Variants in CELF2 observed in about 807,000 individuals in gnomAD.
The protein encoded by CELF2 is CUG triplet repeat RNA-binding protein 2.
In CELF2, 8 loss-of-function variants were observed where a neutral mutation model predicts 62.6. That is an observed-to-expected ratio of 0.13 (90% CI 0.07 to 0.23). CELF2 has a LOEUF of 0.23. Among genes scored for constraint, CELF2 ranks in the 10% least tolerant of loss-of-function variants. The probability of loss-of-function intolerance (pLI) is 1.00; values close to 1 mark genes in which losing one functional copy is unlikely to be tolerated. For missense variants in CELF2, 333 were observed against 671.0 expected, an observed-to-expected ratio of 0.50 and a Z score of 5.56; for synonymous variants, 258 against 250.0, an observed-to-expected ratio of 1.03 and a Z score of -0.30.
upstream of CELF2, among the ~76,000 whole-genome samples, chr10:11,013,676 A>G (rs926707270): frequency 4.6e-5 from 7 of 152,184 alleles, no homozygotes; most frequent in African/African-American, 1.7e-4. The surrounding 1 kb of genome is among the most constrained non-coding windows in gnomAD (Gnocchi z 4.1). Flanking sequence ...CTTAATAACG[A>G]TTTCATCTTT....
At chr10:10,824,322 C>A (rs2057213328) in intron 1 of CELF2, among the ~76,000 whole-genome samples, 1 of 152,050 alleles carries the variant, frequency 6.6e-6, no homozygotes, top group African/African-American at 2.4e-5. Flanking sequence ...TTTATTTGGC[C>A]AACAAAAACA....
the CELF2 span, among the ~76,000 whole-genome samples, chr10:10,549,054 G>A: frequency 6.6e-6 from 1 of 152,082 alleles, no homozygotes; most frequent in South Asian, 2.1e-4. Context: ...TTTTCTTGCC[G>A]ACTCTGTGAT....
At chr10:11,147,691 A>G (rs1209835358) in intron 1 of CELF2, among the ~76,000 whole-genome samples, 1 of 152,236 alleles carries the variant, frequency 6.6e-6, no homozygotes, top group Non-Finnish European at 1.5e-5. Flanking sequence ...TCTTGTATTT[A>G]ATGCAGAATT....
the CELF2 span, among the ~76,000 whole-genome samples, chr10:10,547,397 T>G: frequency 0.034 from 5,206 of 152,274 alleles, 259 homozygotes; most frequent in African/African-American, 0.11. Context: ...CCACTGACTT[T>G]GCCTGTGACA....
rs1193018141 is a variant in CELF2 at position 11,159,871 on chromosome 10, G to C, written c.75-5615G>C. Among the ~76,000 whole-genome samples, 1 of 152,136 alleles carries C rather than the reference G, an allele frequency of 6.6e-6. No individual in the cohort carries two copies. Among genetic ancestry groups the C allele is most frequent in the Non-Finnish European group, 1.5e-5 (1 of 68,018 alleles). ...GATTCCTGAGCCCTTTGAAAGAGTG[G>C]CTTGTTAGCTACAGAAATGATGGGA... On this transcript the variant is annotated intron_variant, in intron 1 of 12. Transcript: ENST00000633077. The surrounding 1 kb of genome is among the most constrained non-coding windows in gnomAD (Gnocchi z 5.0).
the CELF2 span, among the ~76,000 whole-genome samples, chr10:10,531,763 A>G: frequency 6.6e-6 from 1 of 152,172 alleles, no homozygotes; most frequent in Non-Finnish European, 1.5e-5. Flanking sequence ...CATCTCTACT[A>G]AAGTAAACTT....
At chr10:11,041,295 A>C (rs2061805656) in intron 1 of CELF2, among the ~76,000 whole-genome samples, 1 of 152,232 alleles carries the variant, frequency 6.6e-6, no homozygotes, top group Admixed American at 6.5e-5. Flanking sequence ...GGACACAGTC[A>C]GTCCATGATA....
intron 1 of CELF2, among the ~76,000 whole-genome samples, chr10:11,066,711 C>T (rs1387278945): frequency 4.1e-5 from 6 of 146,898 alleles, no homozygotes; most frequent in African/African-American, 7.6e-5. Context: ...GTGTGTCTGT[C>T]GGGGATAAGG....
chr10:10,978,186 C>T (rs556415955), intron 2 of CELF2, among the ~76,000 whole-genome samples: 3 of 152,234 alleles, frequency 2.0e-5, no homozygotes, highest in South Asian at 4.1e-4. Flanking sequence ...AGAATGACTG[C>T]TCTTCTAGAC....
At chr10:10,843,047 A>G (rs558846703) in intron 1 of CELF2, among the ~76,000 whole-genome samples, 1 of 152,148 alleles carries the variant, frequency 6.6e-6, no homozygotes, top group African/African-American at 2.4e-5. Context: ...GAGTCAGTCC[A>G]TTTCATCTAA....
the CELF2 span, among the ~76,000 whole-genome samples, chr10:10,513,211 T>G: frequency 0.016 from 2,368 of 152,332 alleles, 34 homozygotes; most frequent in Non-Finnish European, 0.025. Flanking sequence ...TGTTGTTTTT[T>G]TTATTGTTAT....
At chr10:10,944,749 G>A (rs1210249856) in intron 2 of CELF2, among the ~76,000 whole-genome samples, 1 of 151,960 alleles carries the variant, frequency 6.6e-6, no homozygotes, top group Admixed American at 6.6e-5. Flanking sequence ...TTACAGGTGT[G>A]CACCACCACA....
intron 1 of CELF2, among the ~76,000 whole-genome samples, chr10:10,845,155 G>T (rs2058929822): frequency 6.6e-6 from 1 of 152,030 alleles, no homozygotes; most frequent in Non-Finnish European, 1.5e-5. Context: ...ACGAGAAATT[G>T]CTGTGGCCAT....
At chr10:10,807,127 T>C (rs549598308) in intron 1 of CELF2, among the ~76,000 whole-genome samples, 7 of 152,362 alleles carry the variant, frequency 4.6e-5, no homozygotes, top group Non-Finnish European at 7.3e-5. Context: ...GAATCTCCTA[T>C]TGGACTTTCA....
the CELF2 span, among the ~76,000 whole-genome samples, chr10:10,508,769 T>C: frequency 6.6e-6 from 1 of 151,728 alleles, no homozygotes; most frequent in African/African-American, 2.4e-5. Context: ...TGGCGTGATC[T>C]CGGCTCACTG....
At chr10:10,577,144 G>A in the CELF2 span, among the ~76,000 whole-genome samples, 23 of 152,184 alleles carry the variant, frequency 1.5e-4, no homozygotes, top group African/African-American at 4.1e-4. Flanking sequence ...ACTGCATTGC[G>A]CCCAGAGTAA....
At chr10:11,163,188 A>G (rs950525113) in intron 1 of CELF2, among the ~76,000 whole-genome samples, 1 of 152,222 alleles carries the variant, frequency 6.6e-6, no homozygotes, top group Non-Finnish European at 1.5e-5. Flanking sequence ...TTCTGACACT[A>G]GAACTAGTAC....
intron 1 of CELF2, among the ~76,000 whole-genome samples, chr10:10,910,699 C>CAAAAAAAAAA (rs55954207): frequency 7.6e-5 from 7 of 92,150 alleles, no homozygotes; most frequent in Admixed American, 2.9e-4. Flanking sequence ...GACTCTGCCT[C>CAAAAAAAAAA]AAAAAAAAAA....
chr10:10,777,715 G>A, the CELF2 span, among the ~76,000 whole-genome samples: 3 of 152,126 alleles, frequency 2.0e-5, no homozygotes, highest in African/African-American at 7.2e-5. Flanking sequence ...GCTGAAATCT[G>A]TGTGTGGTCC....
Sources: gnomAD v4.1 joint callset for allele counts (sites outside exome capture counted in the v4.1 genomes callset) on GRCh38, gnomAD v4.1.1 for gene constraint, Gnocchi (gnomAD v3.1) non-coding constraint, MANE v1.5 for transcripts, NCBI Gene and HGNC (gene_info 2026-07-23, HGNC 2026-07-21) for gene names.